ATP8B4: variants seen among roughly 807,000 people sequenced by gnomAD.
The protein encoded by ATP8B4 is ATPase phospholipid transporting 8B4 (putative), also known as probable phospholipid-transporting ATPase IM.
Under a neutral mutation model 145.6 loss-of-function variants are expected in ATP8B4, and 133 were observed. The observed-to-expected ratio is 0.91, with a 90% CI of 0.79 to 1.05. ATP8B4 has a LOEUF of 1.05. ATP8B4 is among the 50% of genes least tolerant of loss of function. The pLI, the probability that ATP8B4 is intolerant of heterozygous loss-of-function variation, is 0.00. For missense variants in ATP8B4, 1,458 were observed against 1,425.2 expected, an observed-to-expected ratio of 1.02 and a Z score of -0.37; for synonymous variants, 507 against 492.9, an observed-to-expected ratio of 1.03 and a Z score of -0.38.
At chr15:49,982,179 C>A (rs928657160) in intron 10 of ATP8B4, among the ~76,000 whole-genome samples, 6 of 151,814 alleles carry the variant, frequency 4.0e-5, no homozygotes, top group Non-Finnish European at 2.9e-5. Context: ...GGAGGCACAC[C>A]CAAAATTATA....
chr15:50,052,399 A>G (rs2153613362), intron 3 of ATP8B4, among the ~76,000 whole-genome samples: 1 of 152,342 alleles, frequency 6.6e-6, no homozygotes, highest in Non-Finnish European at 1.5e-5. Context: ...AACAGATTCC[A>G]TGATGAGGTA....
At chr15:50,032,312 G>C (rs1181268309) in intron 6 of ATP8B4, among the ~76,000 whole-genome samples, 6 of 151,878 alleles carry the variant, frequency 4.0e-5, no homozygotes, top group African/African-American at 1.2e-4. Context: ...GTGTTAGTTT[G>C]CTGAGAATAA....
At chr15:50,156,970 ACAAG>A (rs1371752602) in intron 1 of ATP8B4, among the ~76,000 whole-genome samples, 1 of 152,218 alleles carries the variant, frequency 6.6e-6, no homozygotes, top group Non-Finnish European at 1.5e-5. Context: ...ATTTTTAGAA[ACAAG>A]CAAGGGAAAG....
chr15:50,135,654 G>A (rs1331864561), intron 1 of ATP8B4, among the ~76,000 whole-genome samples: 4 of 152,250 alleles, frequency 2.6e-5, no homozygotes, highest in Admixed American at 6.5e-5. Flanking sequence ...AATGCTTTCC[G>A]CTAAACAAGG....
intron 6 of ATP8B4, among the ~76,000 whole-genome samples, chr15:50,018,113 G>A (rs1453826608): frequency 6.6e-6 from 1 of 151,350 alleles, no homozygotes; most frequent in South Asian, 2.1e-4. Flanking sequence ...TCAGCAGCCT[G>A]AGTAGCTGGG....
intron 13 of ATP8B4, among the ~76,000 whole-genome samples, chr15:49,971,604 T>C (rs925201672): frequency 1.3e-5 from 2 of 152,062 alleles, no homozygotes; most frequent in African/African-American, 4.8e-5. Context: ...TGGCAATCAT[T>C]AAAAAGTCAG....
chr15:49,866,622 C>T, intron 25 of ATP8B4, 138 bp from the exon 26 acceptor site: 1 of 951,682 alleles, frequency 1.1e-6, no homozygotes, highest in South Asian at 1.6e-5. Flanking sequence ...GCGGGCATCC[C>T]CACTTTCTGA....
intron 9 of ATP8B4, among the ~76,000 whole-genome samples, chr15:49,991,661 T>TA (rs146793155): frequency 6.6e-6 from 1 of 152,144 alleles, no homozygotes; most frequent in Non-Finnish European, 1.5e-5. Flanking sequence ...TTGAAATGTA[T>TA]AAAAATATTT....
chr15:50,097,218 C>T (rs79354993), intron 2 of ATP8B4, among the ~76,000 whole-genome samples: 4,063 of 152,092 alleles, frequency 0.027, 189 homozygotes, highest in African/African-American at 0.094. Flanking sequence ...TTTTATATGC[C>T]TTGATAAGGT....
chr15:50,060,889 C>T (rs2052964794), intron 3 of ATP8B4, among the ~76,000 whole-genome samples: 2 of 152,048 alleles, frequency 1.3e-5, no homozygotes, highest in South Asian at 2.1e-4. Context: ...TTAAAGAGCT[C>T]TAAGAGTTTT....
chr15:50,171,194 G>A (rs975054877), intron 1 of ATP8B4, among the ~76,000 whole-genome samples: 4 of 152,036 alleles, frequency 2.6e-5, no homozygotes, highest in Non-Finnish European at 5.9e-5. Flanking sequence ...ACTATACCTT[G>A]GAACAAACAG....
chr15:50,087,165 C>CTATTATATATAATAAATAGATCTCTGTA (rs2055228738), intron 2 of ATP8B4, among the ~76,000 whole-genome samples: 1 of 120,536 alleles, frequency 8.3e-6, no homozygotes, highest in Non-Finnish European at 1.6e-5. Context: ...ATATAGATCT[C>CTATTATATATAATAAATAGATCTCTGTA]TATTATATAT....
At chr15:50,050,790 G>GT (rs1450720369) in intron 3 of ATP8B4, among the ~76,000 whole-genome samples, 9 of 149,726 alleles carry the variant, frequency 6.0e-5, no homozygotes, top group Non-Finnish European at 1.2e-4. Flanking sequence ...GTAAAGCCAT[G>GT]TAACTATATT....
rs372522636 is a variant in ATP8B4, at chr15:49,876,131, C to T, written c.3027+147G>A. The T allele has an allele frequency of 4.2e-4, 483 of 1,154,788 alleles. 1 individual carries two copies. Among genetic ancestry groups the T allele is most frequent in the South Asian group, 8.8e-4 (53 of 60,436 alleles). The allele number at this position is 1,154,788 out of a possible 1,614,324, so 71.5% of individuals were successfully genotyped here. On this transcript the variant is annotated intron_variant, in intron 25 of 27. Coordinates refer to ENST00000284509, the MANE Select transcript of ATP8B4 (RefSeq NM_024837.4). ...CAGTAATTTATGTTAAAGCTTCCTG[C>T]TTTCATCTCAAAATGTGTACTTAAA... is the stretch of plus-strand genomic sequence containing the variant.
At position 49,987,466 on chromosome 15, in the gene ATP8B4, T is replaced by C. The variant is rs777979191; in HGVS notation, c.673A>G (p.Asn225Asp). Residue 225 changes from asparagine to aspartate, a missense_variant, in exon 10 of 28, where the codon AAC (asparagine) becomes GAC (aspartate). By Grantham distance (23) the Asn-to-Asp change is conservative. Coordinates refer to ENST00000284509, the MANE Select transcript of ATP8B4 (RefSeq NM_024837.4). ...CCTCTCAGGATTATCTTCTCATTGT[T>C]GAGGGAATGCTTGCTGTCTTTCCAA... Reference protein sequence around the residue: ...LSWKDSKHSLNNEKIILRGCI... With the variant: ...LSWKDSKHSLDNEKIILRGCI... 1.7e-5 allele frequency: 28 copies of C among 1,613,730 alleles called. 1 individual carries two copies. The South Asian group carries it at 2.9e-4, about 16-fold the overall frequency.
chr15:49,965,739 CAT>C (rs1415629643), intron 13 of ATP8B4, among the ~76,000 whole-genome samples: 3 of 152,136 alleles, frequency 2.0e-5, no homozygotes, highest in African/African-American at 7.2e-5. Context: ...CCCTTACTGA[CAT>C]AACTCAGGCT....
chr15:49,962,069 A>C, intron 13 of ATP8B4, 49 bp from the exon 14 acceptor site: 1 of 1,411,482 alleles, frequency 7.1e-7, no homozygotes, highest in Non-Finnish European at 9.8e-7. Context: ...CCGAAATTAG[A>C]ATTAGACATT....
intron 2 of ATP8B4, among the ~76,000 whole-genome samples, chr15:50,081,415 A>C (rs2054549767): frequency 6.6e-6 from 1 of 152,236 alleles, no homozygotes; most frequent in Non-Finnish European, 1.5e-5. Context: ...AAAGTTGCTA[A>C]TATGATTATT....
intron 14 of ATP8B4, among the ~76,000 whole-genome samples, chr15:49,953,335 G>A (rs1271553993): frequency 6.6e-6 from 1 of 152,188 alleles, no homozygotes; most frequent in Non-Finnish European, 1.5e-5. Flanking sequence ...CTGGTGCGCA[G>A]AGACTGCGGC....
Sources: allele counts gnomAD v4.1 joint callset (sites outside exome capture counted in the v4.1 genomes callset), GRCh38; gene constraint gnomAD v4.1.1; transcripts MANE v1.5; gene names NCBI Gene and HGNC (gene_info 2026-07-23, HGNC 2026-07-21).